Variants in PCCB observed in about 807,000 individuals in gnomAD.
The protein encoded by PCCB is propionyl-CoA carboxylase subunit beta.
In PCCB, 43 loss-of-function variants were observed where a neutral mutation model predicts 60.7. That is an observed-to-expected ratio of 0.71 (90% confidence interval 0.55 to 0.91). The LOEUF is 0.91. Among genes scored for constraint, PCCB ranks in the 40% least tolerant of loss-of-function variants. PCCB has a pLI of 0.00. For synonymous variants in PCCB, 276 were observed against 255.9 expected, an observed-to-expected ratio of 1.08 and a Z score of -0.75; for missense variants, 766 against 702.8, an observed-to-expected ratio of 1.09 and a Z score of -1.02.
At chr3:136,259,074 G>A in intron 3 of PCCB, 6 of 1,119,546 alleles carry the variant, frequency 5.4e-6, no homozygotes, top group Non-Finnish European at 5.8e-6. Context: ...GAGAGGTTAT[G>A]CCCACAATAA....
chr3:136,294,108 A>G lies in PCCB; in HGVS notation c.763+244A>G, dbSNP rs76321585. Among the ~76,000 whole-genome samples, 2,484 of 152,266 alleles carry G rather than the reference A, an allele frequency of 0.016. 69 individuals carry two copies. The highest frequency in any genetic ancestry group is 0.057 in the African/African-American group (2,369 of 41,538). On this transcript the variant is annotated intron_variant, in intron 7 of 14. Coordinates refer to ENST00000251654, the MANE Select transcript of PCCB (RefSeq NM_000532.5). ...GTAATGCTTGGTTATTCTTTAAAAC[A>G]ATTTAGAGCTAGTTGCTGGAATGGT...
At chr3:136,282,995 C>A (rs1488454370) in intron 5 of PCCB, among the ~76,000 whole-genome samples, 1 of 152,204 alleles carries the variant, frequency 6.6e-6, no homozygotes, top group African/African-American at 2.4e-5. Context: ...TTTCTGAACT[C>A]TTCACTCTGC....
intron 5 of PCCB, among the ~76,000 whole-genome samples, chr3:136,266,418 C>T (rs755383935): frequency 2.6e-5 from 4 of 151,846 alleles, no homozygotes; most frequent in Non-Finnish European, 4.4e-5. Flanking sequence ...CGTGAGCCAC[C>T]GCACCCAGCC....
intron 5 of PCCB, among the ~76,000 whole-genome samples, chr3:136,281,860 C>A (rs567665904): frequency 1.3e-5 from 2 of 152,098 alleles, no homozygotes; most frequent in Admixed American, 1.3e-4. Context: ...TTAATATGGA[C>A]ATTGAAATTT....
chr3:136,321,179 G>T (rs920866161), intron 10 of PCCB, among the ~76,000 whole-genome samples: 28 of 152,150 alleles, frequency 1.8e-4, no homozygotes, highest in Non-Finnish European at 2.9e-4. Flanking sequence ...GGATCACAGT[G>T]TATAACCTCT....
At chr3:136,313,762 A>G (rs1192267911) in intron 9 of PCCB, among the ~76,000 whole-genome samples, 3 of 152,226 alleles carry the variant, frequency 2.0e-5, no homozygotes, top group African/African-American at 7.2e-5. Context: ...AAAGACCAAA[A>G]TAGCTGTAAA....
At chr3:136,304,378 A>G (rs1338172064) in intron 9 of PCCB, among the ~76,000 whole-genome samples, 1 of 110,740 alleles carries the variant, frequency 9.0e-6, no homozygotes, top group African/African-American at 2.9e-5. Flanking sequence ...TGGCTTTTCC[A>G]ATTATTTATT....
intron 6 of PCCB, among the ~76,000 whole-genome samples, 174 bp downstream of exon 6, chr3:136,284,121 G>GT (rs1341525376): frequency 6.6e-6 from 1 of 152,234 alleles, no homozygotes. Context: ...TCTGTAGCTT[G>GT]TGGGGGTTCA....
At chr3:136,265,986 C>T (rs566903895) in intron 5 of PCCB, among the ~76,000 whole-genome samples, 81 of 151,480 alleles carry the variant, frequency 5.3e-4, no homozygotes, top group Non-Finnish European at 3.5e-4. Flanking sequence ...CCATCACGCC[C>T]GGCTAATTTT....
At chr3:136,326,389 A>G in intron 10 of PCCB, 1 of 702,838 alleles carries the variant, frequency 1.4e-6, no homozygotes. Flanking sequence ...TTTGCAGGTA[A>G]GGAACCTTAG....
chr3:136,279,814 C>T (rs760316389), intron 5 of PCCB, among the ~76,000 whole-genome samples: 10 of 151,940 alleles, frequency 6.6e-5, no homozygotes, highest in Admixed American at 1.3e-4. Context: ...ACTACAGGCG[C>T]GCACCACCAT....
chr3:136,297,985 A>T lies in PCCB; in HGVS notation c.797A>T (p.Asp266Val). The change falls in exon 8 of 15, where the codon GAT becomes GTT. Residue 266 changes from aspartate to valine, a missense_variant. By Grantham distance (152) the Asp-to-Val change is radical. Coordinates refer to ENST00000251654, the MANE Select transcript of PCCB (RefSeq NM_000532.5). Reference sequence around the variant, plus strand: ...CACAGAGCTTTTGAAAATGATGTTGATGCCTTGTGTAATCTCCGGGATTTC... The same window carrying T: ...CACAGAGCTTTTGAAAATGATGTTGTTGCCTTGTGTAATCTCCGGGATTTC... ...VAHRAFENDV[D>V]ALCNLRDFFN... 2 of 1,614,000 alleles carry T rather than the reference A, an allele frequency of 1.2e-6. No homozygotes were observed. Among genetic ancestry groups the T allele is most frequent in the Non-Finnish European group, 1.7e-6 (2 of 1,179,936 alleles).
intron 9 of PCCB, among the ~76,000 whole-genome samples, chr3:136,314,613 C>T (rs1437968469): frequency 2.6e-5 from 4 of 151,960 alleles, no homozygotes; most frequent in Admixed American, 6.6e-5. Flanking sequence ...TGAGGTTGCT[C>T]CACTGCACTC....
At chr3:136,252,610 C>T (rs982738290) in intron 1 of PCCB, among the ~76,000 whole-genome samples, 2 of 150,862 alleles carry the variant, frequency 1.3e-5, no homozygotes, top group Non-Finnish European at 2.9e-5. Context: ...TCACTGCATC[C>T]TTGACCTTCT....
intron 9 of PCCB, among the ~76,000 whole-genome samples, chr3:136,309,860 G>A (rs1934593433): frequency 6.6e-6 from 1 of 151,890 alleles, no homozygotes; most frequent in African/African-American, 2.4e-5. Flanking sequence ...GGAAAACACA[G>A]TTTAACAGAA....
chr3:136,271,747 G>A (rs137980426), intron 5 of PCCB, among the ~76,000 whole-genome samples: 3 of 152,246 alleles, frequency 2.0e-5, no homozygotes, highest in African/African-American at 7.2e-5. Context: ...ATCAGATCTA[G>A]GAGTCTTTTG....
At chr3:136,308,781 A>G (rs1363238405) in intron 9 of PCCB, among the ~76,000 whole-genome samples, 1 of 152,232 alleles carries the variant, frequency 6.6e-6, no homozygotes, top group East Asian at 1.9e-4. Context: ...CAACTAAAAC[A>G]AAAGTAGCCT....
intron 5 of PCCB, among the ~76,000 whole-genome samples, chr3:136,268,100 A>ATATATATATATATATATATG (rs1942074999): frequency 6.3e-5 from 4 of 63,614 alleles, no homozygotes; most frequent in Non-Finnish European, 1.4e-4. Context: ...ATATATATAT[A>ATATATATATATATATATATG]TATATATATA....
chr3:136,253,497 G>A (rs1215524897), intron 1 of PCCB, among the ~76,000 whole-genome samples: 1 of 151,384 alleles, frequency 6.6e-6, no homozygotes, highest in Admixed American at 6.6e-5. Context: ...TGATTCTCCT[G>A]CGTTAGCCTC....
Sources: gnomAD v4.1 joint callset for allele counts (sites outside exome capture counted in the v4.1 genomes callset) on GRCh38, gnomAD v4.1.1 for gene constraint, MANE v1.5 for transcripts, NCBI Gene and HGNC (gene_info 2026-07-23, HGNC 2026-07-21) for gene names.